JMJD1C: variants seen among roughly 807,000 people sequenced by gnomAD.
JMJD1C encodes the protein jumonji domain-containing protein 1C.
Under a neutral mutation model 245.3 loss-of-function variants are expected in JMJD1C, and 31 were observed. The observed-to-expected ratio is 0.13, with a 90% confidence interval of 0.09 to 0.17. JMJD1C has a LOEUF of 0.17. Among genes scored for constraint, JMJD1C ranks in the 10% least tolerant of loss-of-function variants. The pLI, the probability that JMJD1C is intolerant of heterozygous loss-of-function variation, is 1.00. For synonymous variants in JMJD1C, 1,057 were observed against 1,017.4 expected (o/e 1.04, Z -0.74); for missense variants, 2,691 against 3,000.2 (o/e 0.90, Z 2.41).
At chr10:63,400,734 G>A (rs1948797753) in intron 1 of JMJD1C, among the ~76,000 whole-genome samples, 2 of 151,986 alleles carry the variant, frequency 1.3e-5, no homozygotes, top group Non-Finnish European at 1.5e-5. Context: ...GCTGATTTTT[G>A]TACTTTTAGT....
chr10:63,244,549 C>T (rs954768238), intron 3 of JMJD1C, among the ~76,000 whole-genome samples: 1 of 152,018 alleles, frequency 6.6e-6, no homozygotes, highest in African/African-American at 2.4e-5. Context: ...TCATGACATA[C>T]CCAAATAAAG....
Position 63,215,076 on chromosome 10 carries a change from A to G in JMJD1C, c.1091T>C (p.Met364Thr), listed in dbSNP as rs1373422263. The G allele has an allele frequency of 3.8e-6, 6 of 1,597,272 alleles. No individual in the cohort carries two copies. Among genetic ancestry groups the G allele is most frequent in the Non-Finnish European group, 4.3e-6 (5 of 1,175,642 alleles). The change falls in exon 8 of 26, where the codon ATG (methionine) becomes ACG (threonine). Residue 364 changes from methionine (M) to threonine (T), a missense_variant. This residue lies in a region of JMJD1C where 1,562 missense variants were observed against 1,490.7 expected (regional missense o/e 1.05). Transcript: ENST00000399262. ...AACATTGTCAGTTCGAAGTCTTTTC[A>G]TATTTAGTTTCTTTTCATCCTCCTC... The part of the protein sequence containing the change: ...KPEEDEKKLN[M>T]KRLRTDNVSD...
upstream of JMJD1C, among the ~76,000 whole-genome samples, chr10:63,467,344 T>C (rs942718717): frequency 1.3e-5 from 2 of 152,114 alleles, no homozygotes; most frequent in African/African-American, 4.8e-5. Flanking sequence ...TTTTAGTCTC[T>C]ACTAAAAATA....
chr10:63,342,977 G>T (rs1943506341), intron 2 of JMJD1C, among the ~76,000 whole-genome samples: 1 of 152,076 alleles, frequency 6.6e-6, no homozygotes, highest in Non-Finnish European at 1.5e-5. Flanking sequence ...TCAAGTATAT[G>T]AAAATATTCT....
At chr10:63,487,096 A>G (rs1954024187) in intron 1 of JMJD1C, among the ~76,000 whole-genome samples, 1 of 152,204 alleles carries the variant, frequency 6.6e-6, no homozygotes, top group South Asian at 2.1e-4. Context: ...AAAGAAGACA[A>G]GGTCATCTGT....
At chr10:63,288,657 C>T (rs937341086) in intron 2 of JMJD1C, among the ~76,000 whole-genome samples, 3 of 152,078 alleles carry the variant, frequency 2.0e-5, no homozygotes, top group Non-Finnish European at 2.9e-5. Flanking sequence ...AATCCCAGCA[C>T]TTTGGGAGGC....
intron 22 of JMJD1C, among the ~76,000 whole-genome samples, chr10:63,182,997 G>A (rs1381423192): frequency 1.3e-5 from 2 of 152,116 alleles, no homozygotes; most frequent in Non-Finnish European, 2.9e-5. Flanking sequence ...GAGCAGCTGA[G>A]ATTACAGGCA....
intron 1 of JMJD1C, among the ~76,000 whole-genome samples, chr10:63,476,974 GA>G (rs1305558339): frequency 6.6e-6 from 1 of 151,938 alleles, no homozygotes; most frequent in African/African-American, 2.4e-5. Context: ...GGATAAAAGA[GA>G]AAGTATAAAA....
intron 2 of JMJD1C, among the ~76,000 whole-genome samples, chr10:63,317,106 T>C (rs950621540): frequency 2.5e-4 from 38 of 151,658 alleles, no homozygotes; most frequent in Non-Finnish European, 3.7e-4. Flanking sequence ...GTGATCCACC[T>C]ACCTCAGCCT....
At chr10:63,491,424 A>C (rs1246607054) in intron 1 of JMJD1C, among the ~76,000 whole-genome samples, 1 of 152,208 alleles carries the variant, frequency 6.6e-6, no homozygotes, top group Non-Finnish European at 1.5e-5. Context: ...TTTTATAGTA[A>C]GATGGAATCT....
At chr10:63,263,120 T>A (rs1451011296) in intron 3 of JMJD1C, among the ~76,000 whole-genome samples, 1 of 152,142 alleles carries the variant, frequency 6.6e-6, no homozygotes, top group Non-Finnish European at 1.5e-5. Flanking sequence ...TAAATGGTAT[T>A]CACAATTAAC....
intron 2 of JMJD1C, among the ~76,000 whole-genome samples, chr10:63,364,559 C>T (rs1263305250): frequency 1.3e-5 from 2 of 152,108 alleles, no homozygotes; most frequent in African/African-American, 2.4e-5. Context: ...GATCACAGCT[C>T]ACTGCAGCCT....
intron 10 of JMJD1C, chr10:63,203,216 C>A: frequency 1.0e-6 from 1 of 984,416 alleles, no homozygotes; most frequent in Non-Finnish European, 1.2e-6. Flanking sequence ...ATTTAACTGT[C>A]ATAGTATTTG....
intron 1 of JMJD1C, among the ~76,000 whole-genome samples, chr10:63,414,492 CATA>C (rs1949687429): frequency 2.0e-5 from 3 of 152,052 alleles, no homozygotes; most frequent in Admixed American, 1.3e-4. Context: ...TCTCAACTCT[CATA>C]ATGTGAGCAC....
intron 2 of JMJD1C, among the ~76,000 whole-genome samples, chr10:63,308,469 AACAAAGACAGAG>A (rs1938607097): frequency 6.6e-6 from 1 of 152,214 alleles, no homozygotes; most frequent in South Asian, 2.1e-4. Context: ...AGGGTCCACG[AACAAAGACAGAG>A]ACAAAAGAAT....
chr10:63,476,616 T>C (rs937838792), intron 1 of JMJD1C, among the ~76,000 whole-genome samples: 8 of 151,778 alleles, frequency 5.3e-5, no homozygotes, highest in Non-Finnish European at 1.0e-4. Context: ...CCCAAGCTAC[T>C]TGGGAGGGAG....
chr10:63,169,468 A>G (rs1382728629), intron 24 of JMJD1C, among the ~76,000 whole-genome samples: 1 of 152,182 alleles, frequency 6.6e-6, no homozygotes, highest in Admixed American at 6.5e-5. Flanking sequence ...AAGTTACTCT[A>G]AGTATGCAAA....
rs760452367 is a variant in JMJD1C at position 63,276,884 on chromosome 10, C to CTT, written c.334-12122_334-12121dup. The stretch of plus-strand genomic sequence containing the variant: ...CTATGGAAGGAATAGAAGCTTGGGG[C>CTT]TTTTTTTTTTTTTTTTTTGAGAGAG... On this transcript the variant is annotated intron_variant, in intron 2 of 25. Transcript: ENST00000399262. 3.1e-4 allele frequency among the ~76,000 whole-genome samples: 30 copies of CTT among 96,276 alleles called. 2 individuals carry two copies. Among genetic ancestry groups the CTT allele is most frequent in the African/African-American group, 5.1e-4 (12 of 23,358 alleles). 63.2% of individuals were successfully genotyped at this position (96,276 alleles called of 152,430 possible). A position where few individuals can be genotyped will look rare whatever the true frequency, so the allele number is the denominator to read the frequency against.
chr10:63,443,926 T>C (rs1287328710), intron 1 of JMJD1C, among the ~76,000 whole-genome samples: 1 of 152,186 alleles, frequency 6.6e-6, no homozygotes, highest in Non-Finnish European at 1.5e-5. Flanking sequence ...ATAACAAACA[T>C]GTTTCTAAAT....
Sources: allele counts gnomAD v4.1 joint callset (sites outside exome capture counted in the v4.1 genomes callset), GRCh38; gene constraint gnomAD v4.1.1; regional missense constraint gnomAD v4.1.1; transcripts MANE v1.5; gene names NCBI Gene and HGNC (gene_info 2026-07-23, HGNC 2026-07-21).